GRM7: variants seen among roughly 807,000 people sequenced by gnomAD.
GRM7 encodes the protein glutamate metabotropic receptor 7.
A neutral mutation model predicts 84.5 loss-of-function variants in GRM7; 35 were observed. The observed-to-expected ratio is 0.41, with a 90% CI of 0.32 to 0.55. The LOEUF (loss-of-function observed/expected upper bound fraction) is 0.55, where lower values mean the gene tolerates loss of function less well. Among genes scored for constraint, GRM7 ranks in the 20% least tolerant of loss-of-function variants. The pLI is 0.19. For synonymous variants in GRM7, 487 were observed against 455.1 expected (o/e 1.07, Z -0.89); for missense variants, 1,003 against 1,194.6 (o/e 0.84, Z 2.36).
At chr3:7,429,526 G>C (rs1000255463) in intron 5 of GRM7, among the ~76,000 whole-genome samples, 2 of 152,098 alleles carry the variant, frequency 1.3e-5, no homozygotes, top group African/African-American at 4.8e-5. Flanking sequence ...TTTTTTATGA[G>C]ATGCACTTGA....
At chr3:7,152,912 G>A (rs147850496) in intron 2 of GRM7, among the ~76,000 whole-genome samples, 1 of 152,180 alleles carries the variant, frequency 6.6e-6, no homozygotes, top group East Asian at 1.9e-4. Flanking sequence ...TTCAGTCTTG[G>A]CTAATCAGAC....
intron 2 of GRM7, among the ~76,000 whole-genome samples, chr3:7,195,049 G>A (rs1695834655): frequency 6.6e-6 from 1 of 152,152 alleles, no homozygotes; most frequent in Non-Finnish European, 1.5e-5. Context: ...TGTTAAATAA[G>A]TGCCTGATGT....
At chr3:7,605,042 C>T (rs948302251) in intron 8 of GRM7, among the ~76,000 whole-genome samples, 1 of 152,084 alleles carries the variant, frequency 6.6e-6, no homozygotes, top group Admixed American at 6.6e-5. Flanking sequence ...GTAATTAATT[C>T]TTGCTCCACT....
chr3:7,024,177 A>T (rs971048441), intron 1 of GRM7, among the ~76,000 whole-genome samples: 2 of 152,028 alleles, frequency 1.3e-5, no homozygotes, highest in Non-Finnish European at 2.9e-5. Context: ...TCCTCCTTTC[A>T]TCTTATTTAC....
chr3:7,365,582 TA>T (rs1693842888), intron 4 of GRM7, among the ~76,000 whole-genome samples: 1 of 149,708 alleles, frequency 6.7e-6, no homozygotes, highest in African/African-American at 2.4e-5. Flanking sequence ...ATCAACTTTA[TA>T]AAAATCTGTC....
At chr3:7,523,001 GAA>G (rs1559378375) in intron 7 of GRM7, among the ~76,000 whole-genome samples, 1 of 152,138 alleles carries the variant, frequency 6.6e-6, no homozygotes, top group East Asian at 1.9e-4. Context: ...AAGAAAGAAA[GAA>G]GACTCCTGTA....
At chr3:6,960,610 A>C (rs1575070062) in intron 1 of GRM7, among the ~76,000 whole-genome samples, 1 of 152,038 alleles carries the variant, frequency 6.6e-6, no homozygotes, top group Non-Finnish European at 1.5e-5. Context: ...ATTTCTTTCC[A>C]ATTCCTCACT....
chr3:7,099,957 A>G (rs1213825592), intron 1 of GRM7, among the ~76,000 whole-genome samples: 1 of 147,856 alleles, frequency 6.8e-6, no homozygotes, highest in Non-Finnish European at 1.5e-5. Flanking sequence ...ATGTATATAT[A>G]CATATATTAT....
intron 4 of GRM7, among the ~76,000 whole-genome samples, chr3:7,317,122 A>G (rs888627265): frequency 6.6e-6 from 1 of 152,218 alleles, no homozygotes; most frequent in Non-Finnish European, 1.5e-5. Context: ...ATTCAATTTG[A>G]CAATGTCTCT....
chr3:7,311,611 T>TG (rs1553557188), intron 4 of GRM7, among the ~76,000 whole-genome samples: 13 of 151,588 alleles, frequency 8.6e-5, no homozygotes, highest in African/African-American at 1.2e-4. Context: ...TTTTTTTTTT[T>TG]GGGATGGAGT....
intron 1 of GRM7, among the ~76,000 whole-genome samples, chr3:7,035,858 G>A (rs1009064978): frequency 1.3e-5 from 2 of 152,214 alleles, no homozygotes; most frequent in East Asian, 3.8e-4. Context: ...TTTTAGCACA[G>A]CCAAGACACA....
chr3:7,359,221 T>G (rs1693552507), intron 4 of GRM7, among the ~76,000 whole-genome samples: 1 of 29,020 alleles, frequency 3.4e-5, no homozygotes, highest in South Asian at 1.3e-3. Flanking sequence ...TGTTTGTGTT[T>G]GTGTGTGTGT....
chr3:7,078,684 AC>A (rs1343467487), intron 1 of GRM7, among the ~76,000 whole-genome samples: 3 of 152,052 alleles, frequency 2.0e-5, no homozygotes, highest in African/African-American at 7.3e-5. Flanking sequence ...TCATGGAGTG[AC>A]AGGAGCTACA....
At chr3:7,433,455 T>C (rs984311658) in intron 5 of GRM7, among the ~76,000 whole-genome samples, 1 of 152,204 alleles carries the variant, frequency 6.6e-6, no homozygotes, top group Middle Eastern at 3.2e-3. Context: ...GCTGGCACAA[T>C]AACTGAGTCT....
At chr3:7,410,445 C>T (rs1312561081) in intron 4 of GRM7, among the ~76,000 whole-genome samples, 1 of 151,944 alleles carries the variant, frequency 6.6e-6, no homozygotes, top group African/African-American at 2.4e-5. Flanking sequence ...TGGTGGTGCC[C>T]ACCTGTGGTC....
chr3:6,910,080 A>G (rs1411353233), intron 1 of GRM7, among the ~76,000 whole-genome samples: 1 of 152,134 alleles, frequency 6.6e-6, no homozygotes, highest in East Asian at 1.9e-4. Flanking sequence ...CTGAAGGAAA[A>G]AAATCAAGAG....
At chr3:6,922,979 A>G (rs1248246369) in intron 1 of GRM7, among the ~76,000 whole-genome samples, 3 of 152,108 alleles carry the variant, frequency 2.0e-5, no homozygotes, top group Non-Finnish European at 4.4e-5. Context: ...AGGCTATCAA[A>G]CAAACATTTT....
At chr3:6,885,688 T>C (rs910779522) in intron 1 of GRM7, among the ~76,000 whole-genome samples, 1 of 152,224 alleles carries the variant, frequency 6.6e-6, no homozygotes, top group African/African-American at 2.4e-5. Flanking sequence ...ACCAACCAAC[T>C]TAAAGAGTTT....
intron 5 of GRM7, among the ~76,000 whole-genome samples, chr3:7,446,825 C>A (rs535917340): frequency 2.6e-5 from 4 of 151,882 alleles, no homozygotes; most frequent in Non-Finnish European, 4.4e-5. Flanking sequence ...TCTTTTTTAT[C>A]CTAATAATTT....
Sources: gnomAD v4.1 joint callset for allele counts (sites outside exome capture counted in the v4.1 genomes callset) on GRCh38, gnomAD v4.1.1 for gene constraint, MANE v1.5 for transcripts, NCBI Gene and HGNC (gene_info 2026-07-23, HGNC 2026-07-21) for gene names.